Variants in NSUN7 observed in about 807,000 individuals in gnomAD.
The protein encoded by NSUN7 is protein NSUN7.
A neutral mutation model predicts 58.5 loss-of-function variants in NSUN7; 39 were observed. That is an observed-to-expected ratio of 0.67 (90% CI 0.52 to 0.87). NSUN7 has a LOEUF of 0.87. Ranked by LOEUF, NSUN7 falls within the 40% of genes least tolerant of loss-of-function variation. The pLI, the probability that NSUN7 is intolerant of heterozygous loss-of-function variation, is 0.00. For synonymous variants in NSUN7, 278 were observed against 303.7 expected, an observed-to-expected ratio of 0.92 and a Z score of 0.88; for missense variants, 765 against 844.1, an observed-to-expected ratio of 0.91 and a Z score of 1.16.
rs557582649 is a variant in NSUN7 at position 40,750,572 on chromosome 4, G to A, written c.-91-31G>A. ...CCCACAGGGGTGCTGCAGAAAGAGTGATTTACTGCAATCACCTTCTCTCTT... is the reference window on the plus strand; with the variant it reads ...CCCACAGGGGTGCTGCAGAAAGAGTAATTTACTGCAATCACCTTCTCTCTT... On this transcript the variant is annotated intron_variant, in intron 1 of 11. Transcript: ENST00000381782. The A allele has an allele frequency of 2.9e-5, 35 of 1,189,556 alleles. No individual in the cohort carries two copies. The South Asian group carries it at 4.6e-4, about 16-fold the overall frequency. 73.7% of individuals were successfully genotyped at this position (1,189,556 alleles called of 1,614,324 possible).
At chr4:40,757,923 T>TTTGTTTGC (rs1253242926) in intron 2 of NSUN7, among the ~76,000 whole-genome samples, 2 of 151,646 alleles carry the variant, frequency 1.3e-5, no homozygotes, top group African/African-American at 4.9e-5. Flanking sequence ...TGTTTGTTTG[T>TTTGTTTGC]TTGTTTGTTT....
intron 4 of NSUN7, among the ~76,000 whole-genome samples, chr4:40,772,259 C>A (rs1742049795): frequency 6.6e-6 from 1 of 152,072 alleles, no homozygotes; most frequent in Non-Finnish European, 1.5e-5. Context: ...TCAGTAATAT[C>A]ATTTATCATG....
chr4:40,798,708 T>C lies in NSUN7; in HGVS notation c.1283-79T>C, dbSNP rs1357778438. On this transcript the variant is annotated intron_variant, in intron 9 of 11. Transcript: ENST00000381782. ...AAAACCATGTGGTATTAGTATCAAA[T>C]AGATGTTTGGAAACATAGCACATTT... The C allele has an allele frequency of 1.4e-5, 11 of 768,882 alleles. No individual in the cohort carries two copies. The East Asian group carries it at 2.7e-4, about 19-fold the overall frequency. The allele number at this position is 768,882 out of a possible 1,614,324, so 47.6% of individuals were successfully genotyped here.
At position 40,803,525 on chromosome 4, in the gene NSUN7, C is replaced by A. The variant is rs546338981; in HGVS notation, c.1401-3536C>A. Among the ~76,000 whole-genome samples the A allele has an allele frequency of 3.5e-3, 526 of 152,246 alleles. 3 individuals are homozygous for A. The highest frequency in any genetic ancestry group is 0.012 in the African/African-American group (508 of 41,526). On this transcript the variant is annotated intron_variant, in intron 10 of 11. Transcript: ENST00000381782. ...CTCATTGTGGTTTTGATTTGCATTT[C>A]TCTGATGGCCAGTGATGATGAGCTT...
intron 4 of NSUN7, among the ~76,000 whole-genome samples, chr4:40,766,532 T>C (rs1485119066): frequency 6.6e-6 from 1 of 152,218 alleles, no homozygotes; most frequent in African/African-American, 2.4e-5. Flanking sequence ...AGGATATTGG[T>C]CTAAAATTCT....
intron 9 of NSUN7, among the ~76,000 whole-genome samples, chr4:40,795,666 A>G (rs1318811232): frequency 6.6e-6 from 1 of 152,218 alleles, no homozygotes; most frequent in Non-Finnish European, 1.5e-5. Flanking sequence ...TTAGTTTCCC[A>G]TAAGGAAATA....
chr4:40,804,575 A>AT (rs1409911238), intron 10 of NSUN7, among the ~76,000 whole-genome samples: 2 of 152,038 alleles, frequency 1.3e-5, no homozygotes, highest in African/African-American at 4.8e-5. Flanking sequence ...ACATTTTCCA[A>AT]TTTTCTATTA....
At chr4:40,770,788 C>G (rs1741962000) in intron 4 of NSUN7, among the ~76,000 whole-genome samples, 1 of 152,158 alleles carries the variant, frequency 6.6e-6, no homozygotes, top group South Asian at 2.1e-4. Flanking sequence ...CACGGTGGCT[C>G]ACACCTGTAA....
Position 40,760,506 on chromosome 4 carries a change from T to C in NSUN7, c.357+14T>C. Reference sequence around the variant, plus strand: ...AGTACCACAATAGTAAGTAGATAAGTTTTAGAATTACATCGTTTCATGATT... The same window carrying C: ...AGTACCACAATAGTAAGTAGATAAGCTTTAGAATTACATCGTTTCATGATT... On this transcript the variant is annotated intron_variant, in intron 3 of 11. Transcript: ENST00000381782. 1 of 1,550,296 alleles carries C rather than the reference T, an allele frequency of 6.5e-7. No homozygotes were observed. Among genetic ancestry groups the C allele is most frequent in the Non-Finnish European group, 8.8e-7 (1 of 1,131,950 alleles).
At chr4:40,773,858 G>A (rs921494171) in intron 4 of NSUN7, among the ~76,000 whole-genome samples, 1 of 152,072 alleles carries the variant, frequency 6.6e-6, no homozygotes, top group Non-Finnish European at 1.5e-5. Context: ...CTGGAGTGGA[G>A]TGGAATCTCG....
chr4:40,771,954 C>CT (rs1019190554), intron 4 of NSUN7, among the ~76,000 whole-genome samples: 2 of 151,700 alleles, frequency 1.3e-5, no homozygotes, highest in Non-Finnish European at 2.9e-5. Flanking sequence ...ATGGAAGAAG[C>CT]TTTTTTTAGT....
intron 2 of NSUN7, among the ~76,000 whole-genome samples, chr4:40,752,369 G>A (rs1439753259): frequency 6.6e-6 from 1 of 152,176 alleles, no homozygotes; most frequent in Non-Finnish European, 1.5e-5. Flanking sequence ...TTGACTTCAG[G>A]AGTTCAAGAC....
intron 7 of NSUN7, among the ~76,000 whole-genome samples, chr4:40,790,194 G>C (rs1347322773): frequency 2.6e-5 from 4 of 150,954 alleles, no homozygotes; most frequent in Non-Finnish European, 5.9e-5. Flanking sequence ...CTTTATCTCA[G>C]TCTTCACCAC....
chr4:40,758,522 C>A (rs1252615367), intron 2 of NSUN7, among the ~76,000 whole-genome samples: 1 of 151,914 alleles, frequency 6.6e-6, no homozygotes, highest in Non-Finnish European at 1.5e-5. Context: ...TTTTAGTTTT[C>A]CTATCTCCCA....
chr4:40,760,370 T>C, intron 2 of NSUN7, 64 bp from the exon 3 acceptor site: 1 of 1,211,250 alleles, frequency 8.3e-7, no homozygotes, highest in South Asian at 1.3e-5. Context: ...CAGTGTATTT[T>C]GATTCCAGAG....
At chr4:40,754,571 A>G (rs1182943281) in intron 2 of NSUN7, among the ~76,000 whole-genome samples, 1 of 152,328 alleles carries the variant, frequency 6.6e-6, no homozygotes, top group East Asian at 1.9e-4. Flanking sequence ...TGGCTTATAC[A>G]GTATAAGTTC....
intron 4 of NSUN7, among the ~76,000 whole-genome samples, chr4:40,766,085 C>T (rs1311885588): frequency 1.3e-5 from 2 of 152,128 alleles, no homozygotes; most frequent in Non-Finnish European, 2.9e-5. Context: ...CCTTCTCCTG[C>T]CTAATTGCCC....
At chr4:40,793,073 A>G (rs908345118) in intron 8 of NSUN7, among the ~76,000 whole-genome samples, 2 of 152,246 alleles carry the variant, frequency 1.3e-5, no homozygotes, top group African/African-American at 4.8e-5. Context: ...AGAAATAGAT[A>G]ATACGACTTT....
chr4:40,787,114 AAAAC>A (rs1173157946), intron 7 of NSUN7, among the ~76,000 whole-genome samples: 6 of 152,314 alleles, frequency 3.9e-5, no homozygotes, highest in South Asian at 4.1e-4. Flanking sequence ...AATGTTACAG[AAAAC>A]AAACAGAGTA....
Sources: gnomAD v4.1 joint callset for allele counts (sites outside exome capture counted in the v4.1 genomes callset) on GRCh38, gnomAD v4.1.1 for gene constraint, MANE v1.5 for transcripts, NCBI Gene and HGNC (gene_info 2026-07-23, HGNC 2026-07-21) for gene names.